Variants in NUP214 observed in about 807,000 individuals in gnomAD.
The protein encoded by NUP214 is nucleoporin 214.
In NUP214, 79 loss-of-function variants were observed where a neutral mutation model predicts 196.2. The observed-to-expected ratio is 0.40, with a 90% CI of 0.34 to 0.49. NUP214 has a LOEUF of 0.49. Among genes scored for constraint, NUP214 ranks in the 20% least tolerant of loss-of-function variants. The probability of loss-of-function intolerance (pLI) is 0.58; values close to 1 mark genes in which losing one functional copy is unlikely to be tolerated. For missense variants in NUP214, 2,468 were observed against 2,539.0 expected, an observed-to-expected ratio of 0.97 and a Z score of 0.60; for synonymous variants, 1,020 against 990.5, an observed-to-expected ratio of 1.03 and a Z score of -0.56.
chr9:131,140,779 G>T, intron 11 of NUP214, 69 bp downstream of exon 11: 5 of 1,462,724 alleles, frequency 3.4e-6, no homozygotes, highest in East Asian at 4.5e-5. Flanking sequence ...TTCCAAGAAT[G>T]AACATGGTGT....
At chr9:131,193,810 C>G (rs1412137261) in intron 27 of NUP214, 1 of 150,892 alleles carries the variant, frequency 6.6e-6, no homozygotes, top group East Asian at 1.9e-4. Flanking sequence ...CACCACCACA[C>G]CCAGCTAATT....
At chr9:131,202,989 A>C (rs1028530047) in intron 30 of NUP214, among the ~76,000 whole-genome samples, 1 of 151,164 alleles carries the variant, frequency 6.6e-6, no homozygotes, top group East Asian at 1.9e-4. Flanking sequence ...TCTTTTGCCC[A>C]GGCCGGACTG....
At chr9:131,170,803 C>CATTATT (rs3057994) in intron 21 of NUP214, among the ~76,000 whole-genome samples, 147 of 148,186 alleles carry the variant, frequency 9.9e-4, no homozygotes, top group South Asian at 1.9e-3. Context: ...TTATTATTAT[C>CATTATT]ATTATTATTA....
At chr9:131,201,293 C>G (rs969381218) in intron 29 of NUP214, among the ~76,000 whole-genome samples, 1 of 151,502 alleles carries the variant, frequency 6.6e-6, no homozygotes, top group African/African-American at 2.4e-5. Flanking sequence ...ATGGAGAAAC[C>G]CCGTCTGTAC....
chr9:131,140,749 A>G, intron 11 of NUP214, 39 bp downstream of exon 11: 4 of 1,577,848 alleles, frequency 2.5e-6, no homozygotes, highest in Non-Finnish European at 1.7e-6. Context: ...AGGGAATACC[A>G]TGGGCTTGCA....
chr9:131,208,458 G>A (rs1294667078), intron 30 of NUP214, among the ~76,000 whole-genome samples: 3 of 152,260 alleles, frequency 2.0e-5, no homozygotes, highest in Non-Finnish European at 4.4e-5. Context: ...AGCACTTTGG[G>A]AGGCTGAGGC....
intron 27 of NUP214, among the ~76,000 whole-genome samples, chr9:131,193,450 T>C (rs1394582163): frequency 6.6e-6 from 1 of 151,854 alleles, no homozygotes; most frequent in Non-Finnish European, 1.5e-5. Context: ...GGTATTAGAA[T>C]ATTATTTGAG....
Position 131,144,402 on chromosome 9 carries a change from C to G in NUP214, c.1417C>G (p.Leu473Val). The change falls in exon 12 of 36, where the codon CTT becomes GTT. Residue 473 changes from leucine (L) to valine (V), a missense_variant. By Grantham distance (32) the Leu-to-Val change is conservative (BLOSUM62 1). Coordinates refer to ENST00000359428, the MANE Select transcript of NUP214 (RefSeq NM_005085.4). ...PAAPIATFSLLPAGGAPTVFS... is the reference protein window; with the variant it reads ...PAAPIATFSLVPAGGAPTVFS... The stretch of plus-strand genomic sequence containing the variant: ...TGCTCCCATTGCCACTTTTTCTTTG[C>G]TTCCTGCTGGTGGAGCCCCCACTGT... 2 of 1,614,158 alleles carry G rather than the reference C, an allele frequency of 1.2e-6. No individual in the cohort carries two copies. The highest frequency in any genetic ancestry group is 8.5e-7 in the Non-Finnish European group (1 of 1,180,016).
chr9:131,138,122 C>G (rs549828814), intron 9 of NUP214, among the ~76,000 whole-genome samples: 1 of 152,016 alleles, frequency 6.6e-6, no homozygotes, highest in Non-Finnish European at 1.5e-5. Context: ...TGCTTGCTTT[C>G]TTGCTTGCTT....
intron 30 of NUP214, among the ~76,000 whole-genome samples, chr9:131,213,870 T>C (rs35363962): frequency 0.028 from 4,263 of 152,114 alleles, 74 homozygotes; most frequent in Non-Finnish European, 0.047. Flanking sequence ...CTTGTTGTAT[T>C]TGAGGCACAG....
intron 28 of NUP214, 114 bp from the exon 29 acceptor site, chr9:131,197,102 C>T: frequency 6.9e-7 from 1 of 1,443,856 alleles, no homozygotes; most frequent in East Asian, 2.3e-5. Flanking sequence ...AACAAGGCAC[C>T]CTGACTCTGT....
intron 21 of NUP214, among the ~76,000 whole-genome samples, chr9:131,169,396 T>C (rs1162203714): frequency 6.6e-6 from 1 of 152,106 alleles, no homozygotes; most frequent in Non-Finnish European, 1.5e-5. Context: ...TAATCCCAGC[T>C]GTTTTGAGGA....
At chr9:131,167,673 C>A (rs1343028484) in intron 21 of NUP214, among the ~76,000 whole-genome samples, 25 of 152,142 alleles carry the variant, frequency 1.6e-4, no homozygotes, top group Non-Finnish European at 3.7e-4. Flanking sequence ...TGGTAGGACT[C>A]TTTTGTAAAA....
chr9:131,130,419 A>C (rs1358643025), intron 4 of NUP214, among the ~76,000 whole-genome samples: 1 of 152,090 alleles, frequency 6.6e-6, no homozygotes, highest in African/African-American at 2.4e-5. Context: ...TGCTGGGATT[A>C]CAGGCATGAG....
At chr9:131,183,291 G>T (rs1339523196) in intron 24 of NUP214, among the ~76,000 whole-genome samples, 2 of 152,174 alleles carry the variant, frequency 1.3e-5, no homozygotes, top group African/African-American at 4.8e-5. Context: ...CGCCATGTTG[G>T]CCAGGCTGGT....
intron 25 of NUP214, 119 bp from the exon 26 acceptor site, chr9:131,188,934 A>G: frequency 1.4e-6 from 1 of 722,478 alleles, no homozygotes; most frequent in Non-Finnish European, 2.3e-6. Context: ...TAATTTATCT[A>G]AAAGTATTTG....
chr9:131,153,900 A>C (rs187360113), intron 17 of NUP214, among the ~76,000 whole-genome samples: 1 of 152,308 alleles, frequency 6.6e-6, no homozygotes, highest in East Asian at 1.9e-4. Context: ...CGAACATGTA[A>C]ATGTAGTGTG....
At position 131,232,726 on chromosome 9, in the gene NUP214, C is replaced by G; in HGVS notation, c.6239+418C>G. 3.9e-6 allele frequency: 1 copy of G among 254,064 alleles called. No homozygotes were observed. The highest frequency in any genetic ancestry group is 4.6e-5 in the South Asian group (1 of 21,860). The allele number at this position is 254,064 out of a possible 1,614,324, so 15.7% of individuals were successfully genotyped here. ...AAATTTCATGGCGTTAAAATTCAGT[C>G]TTAGCCAGGTGGGTGGTTCACGCCT... is the stretch of plus-strand genomic sequence containing the variant. On this transcript the variant is annotated intron_variant, in intron 35 of 35. Transcript: ENST00000359428. The surrounding 1 kb of genome is among the most constrained non-coding windows in gnomAD (Gnocchi z 5.1).
chr9:131,219,990 A>T (rs1229642122), intron 31 of NUP214, among the ~76,000 whole-genome samples: 3 of 152,172 alleles, frequency 2.0e-5, no homozygotes, highest in African/African-American at 7.2e-5. Context: ...AGTATAATTT[A>T]ATTCAGATTG....
Sources: allele counts gnomAD v4.1 joint callset (sites outside exome capture counted in the v4.1 genomes callset), GRCh38; gene constraint gnomAD v4.1.1; non-coding constraint Gnocchi (gnomAD v3.1); transcripts MANE v1.5; gene names NCBI Gene and HGNC (gene_info 2026-07-23, HGNC 2026-07-21).